Variants in PRELID2 observed in about 807,000 individuals in gnomAD.
PRELID2 encodes PRELI domain containing 2, also known as PRELI domain-containing protein 2.
PRELID2 carries 25 observed loss-of-function variants against 28.4 expected under a neutral mutation model. The observed-to-expected ratio is 0.88, with a 90% CI of 0.64 to 1.23. PRELID2 has a LOEUF of 1.23. PRELID2 is among the 50% of genes most tolerant of loss of function. The probability of loss-of-function intolerance (pLI) is 0.00; values close to 1 mark genes in which losing one functional copy is unlikely to be tolerated. For missense variants in PRELID2, 201 were observed against 214.4 expected (o/e 0.94, Z 0.39); for synonymous variants, 76 against 71.6 (o/e 1.06, Z -0.31).
the PRELID2 span, among the ~76,000 whole-genome samples, chr5:145,299,446 A>G: frequency 6.6e-6 from 1 of 152,110 alleles, no homozygotes; most frequent in Non-Finnish European, 1.5e-5. Flanking sequence ...TTTGCAATGT[A>G]TTTGTTGAAT....
intron 1 of PRELID2, among the ~76,000 whole-genome samples, chr5:145,515,427 C>T (rs1209800929): frequency 2.0e-5 from 3 of 152,124 alleles, no homozygotes; most frequent in Non-Finnish European, 4.4e-5. Flanking sequence ...CATACACCCT[C>T]CCAAGACTAA....
chr5:145,548,818 G>A (rs772217252), intron 1 of PRELID2, among the ~76,000 whole-genome samples: 35 of 152,254 alleles, frequency 2.3e-4, no homozygotes, highest in African/African-American at 7.7e-4. Flanking sequence ...CATCTCTTCC[G>A]TATTCTTTAC....
At chr5:145,235,195 A>G in the PRELID2 span, among the ~76,000 whole-genome samples, 1 of 152,142 alleles carries the variant, frequency 6.6e-6, no homozygotes, top group African/African-American at 2.4e-5. Context: ...TACACAAGTA[A>G]CTGAGGGTCA....
At chr5:145,248,085 T>C in the PRELID2 span, among the ~76,000 whole-genome samples, 1 of 152,244 alleles carries the variant, frequency 6.6e-6, no homozygotes, top group African/African-American at 2.4e-5. Context: ...AGTAGTTTGA[T>C]AGATAATAAT....
chr5:145,264,630 A>G, the PRELID2 span, among the ~76,000 whole-genome samples: 7 of 152,096 alleles, frequency 4.6e-5, no homozygotes, highest in Admixed American at 4.6e-4. Flanking sequence ...ATAATACTGG[A>G]ATTCCTAGCC....
At chr5:145,342,902 T>TA in the PRELID2 span, among the ~76,000 whole-genome samples, 35,857 of 128,732 alleles carry the variant, frequency 0.28, 4,623 homozygotes, top group South Asian at 0.35. Flanking sequence ...TCAAAAACAG[T>TA]AAAAAAAAAA....
chr5:145,395,691 T>C, the PRELID2 span, among the ~76,000 whole-genome samples: 1 of 152,156 alleles, frequency 6.6e-6, no homozygotes, highest in African/African-American at 2.4e-5. Flanking sequence ...ACATTTGTTG[T>C]TATTTTTCTG....
chr5:145,700,272 A>G (rs775318254), intron 1 of PRELID2, among the ~76,000 whole-genome samples: 12 of 151,832 alleles, frequency 7.9e-5, no homozygotes, highest in African/African-American at 2.9e-4. Context: ...CAAATCCCCA[A>G]TCCTCAACAC....
intron 5 of PRELID2, among the ~76,000 whole-genome samples, chr5:145,772,806 A>G (rs541940395): frequency 6.6e-6 from 1 of 152,350 alleles, no homozygotes; most frequent in East Asian, 1.9e-4. Context: ...AGCCTAATAA[A>G]TAAGTCAGGT....
At chr5:145,406,116 T>C in the PRELID2 span, among the ~76,000 whole-genome samples, 1,246 of 152,154 alleles carry the variant, frequency 8.2e-3, 20 homozygotes, top group African/African-American at 0.029. Context: ...CCCTATGATC[T>C]AATCACCTCC....
chr5:145,625,580 C>A lies in PRELID2; in HGVS notation n.70+139351G>T, dbSNP rs571473767. 3.3e-5 allele frequency among the ~76,000 whole-genome samples: 5 copies of A among 152,230 alleles called. No individual in the cohort carries two copies. In the East Asian group the frequency reaches 9.6e-4, roughly 29 times the overall value. On this transcript the variant is annotated intron_variant and non_coding_transcript_variant, in intron 1 of 2. Coordinates refer to the PRELID2 transcript ENST00000510259. ...TAAAAATCCAACATCTTTTGTTTCTCTAATCAGAATTATTGGAATTGACTG... is the reference window on the plus strand; with the variant it reads ...TAAAAATCCAACATCTTTTGTTTCTATAATCAGAATTATTGGAATTGACTG...
chr5:145,543,825 T>G (rs2126674554), intron 1 of PRELID2, among the ~76,000 whole-genome samples: 1 of 152,212 alleles, frequency 6.6e-6, no homozygotes, highest in Admixed American at 6.6e-5. Flanking sequence ...GCTCTAAGGC[T>G]TCACTTTTCT....
chr5:145,289,647 T>C, the PRELID2 span, among the ~76,000 whole-genome samples: 1 of 152,192 alleles, frequency 6.6e-6, no homozygotes, highest in Non-Finnish European at 1.5e-5. Context: ...ATGGTAAGAC[T>C]ATATTTAGTT....
At chr5:145,580,856 C>T (rs966076750) in intron 1 of PRELID2, among the ~76,000 whole-genome samples, 4 of 152,000 alleles carry the variant, frequency 2.6e-5, no homozygotes, top group African/African-American at 4.8e-5. Context: ...TTAGCATTAC[C>T]GTATTTCTCC....
At chr5:145,415,937 C>G in the PRELID2 span, among the ~76,000 whole-genome samples, 6 of 152,098 alleles carry the variant, frequency 3.9e-5, no homozygotes, top group Admixed American at 3.3e-4. Flanking sequence ...TCCTCTCCAG[C>G]ATCTGTTGTT....
chr5:145,440,496 G>C, the PRELID2 span, among the ~76,000 whole-genome samples: 1 of 152,070 alleles, frequency 6.6e-6, no homozygotes, highest in South Asian at 2.1e-4. Context: ...TATGTGTTTT[G>C]TTTGGTTTTT....
the PRELID2 span, among the ~76,000 whole-genome samples, chr5:145,396,597 G>A: frequency 6.6e-6 from 1 of 151,654 alleles, no homozygotes; most frequent in African/African-American, 2.4e-5. Flanking sequence ...GCCAAGCCTT[G>A]AACTAGACTA....
intron 1 of PRELID2, among the ~76,000 whole-genome samples, chr5:145,746,101 C>T (rs944108439): frequency 2.0e-5 from 3 of 152,150 alleles, no homozygotes; most frequent in African/African-American, 7.2e-5. Context: ...GAAGAAATTG[C>T]ATCAACTAGT....
chr5:145,409,717 TC>T, the PRELID2 span, among the ~76,000 whole-genome samples: 1 of 135,544 alleles, frequency 7.4e-6, no homozygotes, highest in Non-Finnish European at 1.5e-5. Context: ...ATCAAGACCA[TC>T]CTGGCTAACA....
Sources: allele counts gnomAD v4.1 joint callset (sites outside exome capture counted in the v4.1 genomes callset), GRCh38; gene constraint gnomAD v4.1.1; transcripts MANE v1.5; gene names NCBI Gene and HGNC (gene_info 2026-07-23, HGNC 2026-07-21).